Variants in CEP128 observed in about 807,000 individuals in gnomAD.
CEP128 encodes the protein centrosomal protein 128kDa.
A neutral mutation model predicts 156.7 loss-of-function variants in CEP128; 132 were observed. The observed-to-expected ratio is 0.84, with a 90% CI of 0.73 to 0.97. The LOEUF is 0.97. CEP128 is among the 50% of genes least tolerant of loss of function. CEP128 has a pLI of 0.00. For synonymous variants in CEP128, 469 were observed against 448.9 expected, an observed-to-expected ratio of 1.04 and a Z score of -0.57; for missense variants, 1,252 against 1,281.9, an observed-to-expected ratio of 0.98 and a Z score of 0.36.
chr14:80,545,899 A>T (rs898639172), intron 21 of CEP128, among the ~76,000 whole-genome samples: 2 of 152,192 alleles, frequency 1.3e-5, no homozygotes, highest in African/African-American at 4.8e-5. Context: ...AAGCTTTAAA[A>T]AATACTGGGT....
At chr14:80,816,621 G>C (rs971014872) in intron 13 of CEP128, among the ~76,000 whole-genome samples, 1 of 152,150 alleles carries the variant, frequency 6.6e-6, no homozygotes, top group East Asian at 1.9e-4. Flanking sequence ...GTGCAAGATC[G>C]TGCTGAGAGG....
intron 9 of CEP128, 109 bp from the exon 10 acceptor site, chr14:80,840,877 C>T: frequency 1.5e-6 from 1 of 674,346 alleles, no homozygotes; most frequent in Non-Finnish European, 2.6e-6. Flanking sequence ...ATATGAGTTA[C>T]ACAAAATCTA....
At chr14:80,691,744 A>G (rs1896726700) in intron 19 of CEP128, among the ~76,000 whole-genome samples, 1 of 152,184 alleles carries the variant, frequency 6.6e-6, no homozygotes, top group Non-Finnish European at 1.5e-5. Context: ...AAACAATTCA[A>G]CCTAAGTTAC....
chr14:80,735,851 T>C (rs1898502796), intron 19 of CEP128, among the ~76,000 whole-genome samples: 1 of 152,134 alleles, frequency 6.6e-6, no homozygotes, highest in Admixed American at 6.6e-5. Flanking sequence ...CAATAAGCAA[T>C]CTTCAGCTGA....
chr14:80,633,722 C>G (rs1209525999), intron 19 of CEP128, among the ~76,000 whole-genome samples: 1 of 152,198 alleles, frequency 6.6e-6, no homozygotes, highest in Admixed American at 6.5e-5. Flanking sequence ...TCATTCACCA[C>G]TGTATCTTCT....
At chr14:80,717,537 T>C (rs569104479) in intron 19 of CEP128, among the ~76,000 whole-genome samples, 1 of 152,074 alleles carries the variant, frequency 6.6e-6, no homozygotes, top group East Asian at 1.9e-4. Context: ...GCATTTGTGA[T>C]AGAGCACCAT....
intron 14 of CEP128, among the ~76,000 whole-genome samples, chr14:80,786,523 C>A (rs1428633518): frequency 6.6e-6 from 1 of 152,128 alleles, no homozygotes; most frequent in Non-Finnish European, 1.5e-5. Context: ...CAATCCTGCT[C>A]AGTTTTAACT....
chr14:80,794,407 C>T (rs1595409890), intron 13 of CEP128, among the ~76,000 whole-genome samples: 3 of 152,248 alleles, frequency 2.0e-5, no homozygotes, highest in South Asian at 2.1e-4. Context: ...TTCAATGCAG[C>T]CTGGAAGATG....
At chr14:80,735,111 AT>A (rs934658325) in intron 19 of CEP128, among the ~76,000 whole-genome samples, 12 of 151,726 alleles carry the variant, frequency 7.9e-5, no homozygotes, top group African/African-American at 9.7e-5. Context: ...TCTGTTTCTT[AT>A]TTTTTTTCCT....
At chr14:80,820,695 C>T (rs1008711209) in intron 13 of CEP128, among the ~76,000 whole-genome samples, 1 of 152,162 alleles carries the variant, frequency 6.6e-6, no homozygotes, top group Admixed American at 6.5e-5. Context: ...TCTCTGAAAC[C>T]TTCAAATATA....
chr14:80,654,751 TC>T (rs1895057281), intron 19 of CEP128, among the ~76,000 whole-genome samples: 1 of 152,134 alleles, frequency 6.6e-6, no homozygotes. Flanking sequence ...TCTACTCCCC[TC>T]CTCCACTTGT....
At chr14:80,878,106 C>A (rs1422969862) in intron 8 of CEP128, among the ~76,000 whole-genome samples, 2 of 152,108 alleles carry the variant, frequency 1.3e-5, no homozygotes, top group Non-Finnish European at 2.9e-5. Flanking sequence ...AGCAGCCCCT[C>A]CCCCAGCAGG....
intron 21 of CEP128, among the ~76,000 whole-genome samples, chr14:80,549,521 CTTTGGTT>C (rs899499001): frequency 6.6e-6 from 1 of 152,174 alleles, no homozygotes; most frequent in African/African-American, 2.4e-5. Flanking sequence ...CTAGCTTGAT[CTTTGGTT>C]TTAAAACAGC....
chr14:80,875,460 G>A (rs146546916), intron 8 of CEP128, among the ~76,000 whole-genome samples: 7 of 152,128 alleles, frequency 4.6e-5, no homozygotes, highest in African/African-American at 1.7e-4. Context: ...CTAAACAGTA[G>A]GACAAAACAA....
chr14:80,818,115 G>C (rs1211885215), intron 13 of CEP128, among the ~76,000 whole-genome samples: 1 of 152,114 alleles, frequency 6.6e-6, no homozygotes, highest in Non-Finnish European at 1.5e-5. Flanking sequence ...AACCTCTTGG[G>C]CTCAAGTGAT....
rs181058289 is a variant in CEP128 at position 80,714,850 on chromosome 14, T to A, written c.2806+28225A>T. ...GTCCAATCACTCAAATATCATCTTATCAAAAAAGCAATTTCCACCCTAAAC... is the reference window on the plus strand; with the variant it reads ...GTCCAATCACTCAAATATCATCTTAACAAAAAAGCAATTTCCACCCTAAAC... On this transcript the variant is annotated intron_variant, in intron 19 of 24. Transcript: ENST00000555265. Among the ~76,000 whole-genome samples, 188 of 152,028 alleles carry A rather than the reference T, an allele frequency of 1.2e-3. 1 individual carries two copies. The highest frequency in any genetic ancestry group is 4.4e-3 in the African/African-American group (181 of 41,480).
intron 20 of CEP128, among the ~76,000 whole-genome samples, chr14:80,576,638 TGTG>T (rs1891370650): frequency 1.7e-5 from 2 of 115,280 alleles, no homozygotes; most frequent in African/African-American, 3.5e-5. Context: ...TGTGTGTGTG[TGTG>T]TGTGTGTGTG....
At chr14:80,882,267 C>T (rs1461399043) in intron 8 of CEP128, among the ~76,000 whole-genome samples, 1 of 151,848 alleles carries the variant, frequency 6.6e-6, no homozygotes, top group African/African-American at 2.4e-5. Context: ...GGAAAAATAG[C>T]TCAATAGACA....
chr14:80,733,198 C>T (rs938700341), intron 19 of CEP128, among the ~76,000 whole-genome samples: 3 of 152,192 alleles, frequency 2.0e-5, no homozygotes, highest in Non-Finnish European at 4.4e-5. Flanking sequence ...TAAGCTTGAA[C>T]TCAGACTGGA....
Sources: allele counts gnomAD v4.1 joint callset (sites outside exome capture counted in the v4.1 genomes callset), GRCh38; gene constraint gnomAD v4.1.1; transcripts MANE v1.5; gene names NCBI Gene and HGNC (gene_info 2026-07-23, HGNC 2026-07-21).